Variants in ZNF384 observed in about 807,000 individuals in gnomAD.
ZNF384 encodes the protein zinc finger protein 384.
A neutral mutation model predicts 65.0 loss-of-function variants in ZNF384; 20 were observed. The ratio of observed to expected loss-of-function variants is 0.31; its 90% CI spans 0.22 to 0.45. The LOEUF (loss-of-function observed/expected upper bound fraction) is 0.45. Among genes scored for constraint, ZNF384 ranks in the 20% least tolerant of loss-of-function variants. The pLI is 1.00. For synonymous variants in ZNF384, 310 were observed against 303.9 expected (o/e 1.02, Z -0.21); for missense variants, 549 against 769.4 (o/e 0.71, Z 3.39).
intron 2 of ZNF384, among the ~76,000 whole-genome samples, chr12:6,683,987 A>G (rs1957043280): frequency 6.6e-6 from 1 of 152,132 alleles, no homozygotes; most frequent in Non-Finnish European, 1.5e-5. Flanking sequence ...ACTGCACTCG[A>G]GCCTGGGCAA....
Position 6,679,186 on chromosome 12 carries a change from AAGAGAAAAGG to A in ZNF384, c.67-13_67-4del, listed in dbSNP as rs1429786780. 1.9e-6 allele frequency: 3 copies of A among 1,566,116 alleles called. No individual in the cohort carries two copies. Among genetic ancestry groups the A allele is most frequent in the Non-Finnish European group, 2.6e-6 (3 of 1,154,284 alleles). The stretch of plus-strand genomic sequence containing the variant: ...TTGATGAACATTGTGTTCTCGATCT[AAGAGAAAAGG>A]AAGGGGACGGGAGCACCCTCTTCAG... On this transcript the variant is annotated splice_region_variant and splice_polypyrimidine_tract_variant and intron_variant, in intron 3 of 11. Coordinates refer to ENST00000683879, the MANE Select transcript of ZNF384 (RefSeq NM_001385745.1).
chr12:6,688,159 C>A lies in ZNF384; in HGVS notation c.-6+8G>T, dbSNP rs74843309. On this transcript the variant is annotated splice_region_variant and intron_variant, in intron 2 of 11. Transcript: ENST00000683879. ...CCAGAAAAGCCATTAACCCAAAAATCATCTTACCCTCTCTCTCTCTTCCTC... is the reference window on the plus strand; with the variant it reads ...CCAGAAAAGCCATTAACCCAAAAATAATCTTACCCTCTCTCTCTCTTCCTC... The A allele has an allele frequency of 6.6e-6, 1 of 152,660 alleles. No homozygotes were observed. Among genetic ancestry groups the A allele is most frequent in the African/African-American group, 2.4e-5 (1 of 41,448 alleles). 9.5% of individuals were successfully genotyped at this position (152,660 alleles called of 1,614,324 possible).
At chr12:6,685,918 G>A (rs1592425340) in intron 2 of ZNF384, among the ~76,000 whole-genome samples, 1 of 151,792 alleles carries the variant, frequency 6.6e-6, no homozygotes, top group African/African-American at 2.4e-5. Flanking sequence ...AAAGAAGAGA[G>A]ACACTATCAA....
Position 6,679,063 on chromosome 12 carries a change from A to G in ZNF384, c.187T>C (p.Ser63Pro). The G allele has an allele frequency of 3.1e-6, 5 of 1,613,984 alleles. No homozygotes were observed. The highest frequency in any genetic ancestry group is 4.2e-6 in the Non-Finnish European group (5 of 1,180,018). ...GACTCTGTGTCCATACTGATGCCTG[A>G]GGGCAGGGACACTGAGGCAGGCACT... ...LTVPASVSLP[S>P]GISMDTESKS... is the part of the protein sequence containing the mutation. The change falls in exon 4 of 12, where the codon TCA (serine) becomes CCA (proline). Residue 63 changes from serine (S) to proline (P), a missense_variant. Physicochemically the swap from Ser to Pro is moderately conservative, Grantham distance 74. This residue lies in a region of ZNF384 where 277 missense variants were observed against 337.2 expected (regional missense o/e 0.82). Transcript: ENST00000683879.
At chr12:6,674,261 C>T (rs1429738749) in intron 7 of ZNF384, among the ~76,000 whole-genome samples, 2 of 152,250 alleles carry the variant, frequency 1.3e-5, no homozygotes, top group South Asian at 2.1e-4. Context: ...AGCACCTGAT[C>T]GTACTTTCAC....
chr12:6,685,781 A>G (rs866183981), intron 2 of ZNF384, among the ~76,000 whole-genome samples: 1 of 150,742 alleles, frequency 6.6e-6, no homozygotes, highest in Non-Finnish European at 1.5e-5. Context: ...AGTCTCAAAA[A>G]AAAAAAAAAA....
At position 6,678,595 on chromosome 12, in the gene ZNF384, CA is replaced by C. The variant is rs1468807986; in HGVS notation, c.352+67del. ...CCAACCCAGAGTACACAGGAAATCCCAAACCCTGTAGAAAAATAATGGTCTC... is the reference window on the plus strand; with the variant it reads ...CCAACCCAGAGTACACAGGAAATCCCAACCCTGTAGAAAAATAATGGTCTC... On this transcript the variant is annotated intron_variant, in intron 5 of 11. Transcript: ENST00000683879. The surrounding 1 kb of genome is among the most constrained non-coding windows in gnomAD (Gnocchi z 4.9). The C allele has an allele frequency of 1.2e-5, 19 of 1,590,142 alleles. No individual in the cohort carries two copies. The highest frequency in any genetic ancestry group is 1.5e-5 in the Non-Finnish European group (18 of 1,162,856).
Position 6,668,089 on chromosome 12 carries a change from G to T in ZNF384, c.1452C>A (p.Arg484=). 1 of 1,603,792 alleles carries T rather than the reference G, an allele frequency of 6.2e-7. No individual in the cohort carries two copies. The highest frequency in any genetic ancestry group is 1.1e-5 in the South Asian group (1 of 90,228). The part of the protein sequence containing the change: ...TSETYLMKHM[R]KHNPPDLQQQ... ...GCTGAAGATCAGGCGGGTTGTGTTTGCGCATATGTTTCATAAGGTATGTTT... is the reference window on the plus strand; with the variant it reads ...GCTGAAGATCAGGCGGGTTGTGTTTTCGCATATGTTTCATAAGGTATGTTT... Residue 484 remains arginine (R), a synonymous_variant, in exon 12 of 12, where the codon CGC becomes CGA. Transcript: ENST00000683879.
rs1451728161 is a variant in ZNF384 at position 6,666,623 on chromosome 12, C to G, written c.*1091G>C. Reference sequence around the variant, plus strand: ...TTTTTAATTTCCTTTCCTCTGAAATCTGCCATGATTTAAAAAAAAAAAAAA... The same window carrying G: ...TTTTTAATTTCCTTTCCTCTGAAATGTGCCATGATTTAAAAAAAAAAAAAA... On this transcript the variant is annotated 3_prime_UTR_variant, in exon 12 of 12. Transcript: ENST00000683879. 1.4e-5 allele frequency: 2 copies of G among 140,096 alleles called. No individual in the cohort carries two copies. Among genetic ancestry groups the G allele is most frequent in the African/African-American group, 5.8e-5 (2 of 34,208 alleles). The allele number at this position is 140,096 out of a possible 1,614,324, so 8.7% of individuals were successfully genotyped here.
In ZNF384 at chr12:6,678,358, G is replaced by A; in HGVS notation, c.455C>T (p.Pro152Leu). 6.2e-7 allele frequency: 1 copy of A among 1,614,072 alleles called. No individual in the cohort carries two copies. The highest frequency in any genetic ancestry group is 8.5e-7 in the Non-Finnish European group (1 of 1,179,996). ...AACCTGCAGGGCTTGTGAGCCAGGG[G>A]GAAGAGCTGAGACAATCATGGGAGC... ...ISAPMIVSAL[P>L]PGSQALQVVP... is the part of the protein sequence containing the mutation. The change falls in exon 6 of 12, where the codon CCC (proline) becomes CTC (leucine). Residue 152 changes from proline (P) to leucine (L), a missense_variant. Coordinates refer to ENST00000683879, the MANE Select transcript of ZNF384 (RefSeq NM_001385745.1). The surrounding 1 kb of genome is among the most constrained non-coding windows in gnomAD (Gnocchi z 4.9).
intron 9 of ZNF384, among the ~76,000 whole-genome samples, chr12:6,671,201 C>T (rs901104245): frequency 3.9e-5 from 6 of 152,196 alleles, no homozygotes; most frequent in Non-Finnish European, 5.9e-5. Context: ...AAGCAGAACG[C>T]GTCTTCCTTG....
chr12:6,689,470 G>C (rs1374786041), upstream of ZNF384: 1 of 152,318 alleles, frequency 6.6e-6, no homozygotes, highest in Non-Finnish European at 1.5e-5. Flanking sequence ...GAGAGAAGGC[G>C]GGAGCGCCGG....
At chr12:6,681,377 T>C (rs1162092393) in intron 2 of ZNF384, among the ~76,000 whole-genome samples, 1 of 151,932 alleles carries the variant, frequency 6.6e-6, no homozygotes, top group Admixed American at 6.6e-5. Flanking sequence ...TGGTCAAGAG[T>C]AGCTTCCCAA....
intron 3 of ZNF384, 126 bp downstream of exon 3, chr12:6,679,329 C>T: frequency 8.2e-7 from 1 of 1,212,888 alleles, no homozygotes; most frequent in Non-Finnish European, 1.2e-6. Context: ...GAAGCCCAGG[C>T]AGAAACACTA....
chr12:6,676,467 G>C (rs949345873), intron 7 of ZNF384, among the ~76,000 whole-genome samples: 1 of 152,222 alleles, frequency 6.6e-6, no homozygotes, highest in East Asian at 1.9e-4. Flanking sequence ...AAAGCCCCAT[G>C]AGGCTTTCTT....
In ZNF384 at chr12:6,669,115, G is replaced by A. The variant is rs1950554742; in HGVS notation, c.1341C>T (p.Ala447=). 2 of 1,614,102 alleles carry A rather than the reference G, an allele frequency of 1.2e-6. No individual in the cohort carries two copies. Among genetic ancestry groups the A allele is most frequent in the Non-Finnish European group, 1.7e-6 (2 of 1,179,952 alleles). Residue 447 remains alanine (A), a synonymous_variant, in exon 11 of 12, where the codon GCC becomes GCT. Transcript: ENST00000683879. ...GCGTAGACAGGTGCACCTCTAGTGAGGCTGCATCCGTGTACGCCCGATGAC... is the reference window on the plus strand; with the variant it reads ...GCGTAGACAGGTGCACCTCTAGTGAAGCTGCATCCGTGTACGCCCGATGAC... ...HNCHRAYTDA[A]SLEVHLSTHT...
At chr12:6,687,236 C>T (rs1203622981) in intron 2 of ZNF384, among the ~76,000 whole-genome samples, 1 of 152,100 alleles carries the variant, frequency 6.6e-6, no homozygotes, top group Non-Finnish European at 1.5e-5. Context: ...CATACACAAA[C>T]AAACTAAACA....
Position 6,667,237 on chromosome 12 carries a change from G to A in ZNF384, c.*477C>T. The A allele has an allele frequency of 3.3e-6, 1 of 301,982 alleles. No individual in the cohort carries two copies. Among genetic ancestry groups the A allele is most frequent in the East Asian group, 4.9e-5 (1 of 20,482 alleles). 18.7% of individuals were successfully genotyped at this position (301,982 alleles called of 1,614,324 possible). A position where few individuals can be genotyped will look rare whatever the true frequency, so the allele number is the denominator to read the frequency against. ...GAAGAAATGGCTCTCAGGGACTGAG[G>A]CATTTGAGAAACCTCTGTTCTTTTG... On this transcript the variant is annotated 3_prime_UTR_variant, in exon 12 of 12. Transcript: ENST00000683879.
intron 2 of ZNF384, among the ~76,000 whole-genome samples, chr12:6,684,003 T>G (rs895101499): frequency 1.3e-5 from 2 of 151,646 alleles, no homozygotes; most frequent in Admixed American, 1.3e-4. Flanking sequence ...GGCAACAGAG[T>G]GAGAATCCGT....
Sources: gnomAD v4.1 joint callset for allele counts (sites outside exome capture counted in the v4.1 genomes callset) on GRCh38, gnomAD v4.1.1 for gene constraint, gnomAD v4.1.1 regional missense constraint, Gnocchi (gnomAD v3.1) non-coding constraint, MANE v1.5 for transcripts, NCBI Gene and HGNC (gene_info 2026-07-23, HGNC 2026-07-21) for gene names.